Variants in RBFOX3 observed in about 807,000 individuals in gnomAD.
The protein encoded by RBFOX3 is RNA binding protein fox-1 homolog 3.
A neutral mutation model predicts 48.7 loss-of-function variants in RBFOX3; 17 were observed. The observed-to-expected ratio is 0.35, with a 90% CI of 0.24 to 0.52. The LOEUF (loss-of-function observed/expected upper bound fraction) is 0.52. RBFOX3 is among the 20% of genes least tolerant of loss of function. RBFOX3 has a pLI of 0.94. For missense variants in RBFOX3, 382 were observed against 497.5 expected (o/e 0.77, Z 2.21); for synonymous variants, 212 against 209.5 (o/e 1.01, Z -0.10).
chr17:79,463,646 TCCA>T (rs1469631510), intron 2 of RBFOX3, among the ~76,000 whole-genome samples: 46 of 91,854 alleles, frequency 5.0e-4, no homozygotes, highest in African/African-American at 1.9e-3. Context: ...CACCGCCACC[TCCA>T]CCACCATCGC....
At chr17:79,183,057 C>T (rs1483203287) in intron 4 of RBFOX3, among the ~76,000 whole-genome samples, 1 of 149,204 alleles carries the variant, frequency 6.7e-6, no homozygotes, top group African/African-American at 2.4e-5. Context: ...CGCCTCGCGC[C>T]GCGCGCGCCC....
intron 3 of RBFOX3, among the ~76,000 whole-genome samples, chr17:79,289,777 A>T (rs1023028404): frequency 6.6e-6 from 1 of 152,234 alleles, no homozygotes; most frequent in African/African-American, 2.4e-5. Flanking sequence ...TTTATATAAA[A>T]AGGGGATAGT....
At chr17:79,286,045 G>A (rs1335316359) in intron 3 of RBFOX3, among the ~76,000 whole-genome samples, 1 of 152,194 alleles carries the variant, frequency 6.6e-6, no homozygotes, top group Admixed American at 6.5e-5. Context: ...TGGGCAGAAT[G>A]GCTGCTGGCT....
chr17:79,127,208 G>A (rs192463247), intron 4 of RBFOX3, among the ~76,000 whole-genome samples: 1 of 152,196 alleles, frequency 6.6e-6, no homozygotes, highest in African/African-American at 2.4e-5. Context: ...CTTCCTTCCT[G>A]AGGGGCTGGG....
At chr17:79,105,742 C>T (rs1309530566) in intron 6 of RBFOX3, among the ~76,000 whole-genome samples, 1 of 152,168 alleles carries the variant, frequency 6.6e-6, no homozygotes, top group Admixed American at 6.5e-5. Context: ...ATTCAGGAGC[C>T]AGAGGCTGTC....
chr17:79,653,594 G>A, the RBFOX3 span, among the ~76,000 whole-genome samples: 1 of 152,168 alleles, frequency 6.6e-6, no homozygotes. Context: ...TAAAAATAAT[G>A]AATCGATAGC....
At chr17:79,401,067 C>G (rs1182371428) in intron 2 of RBFOX3, among the ~76,000 whole-genome samples, 1 of 152,252 alleles carries the variant, frequency 6.6e-6, no homozygotes, top group Non-Finnish European at 1.5e-5. Context: ...AATTCACAGA[C>G]GCAGAGCCTC....
chr17:79,470,255 ATG>A (rs1295461497), intron 2 of RBFOX3, among the ~76,000 whole-genome samples: 1 of 115,084 alleles, frequency 8.7e-6, no homozygotes, highest in Non-Finnish European at 2.1e-5. Flanking sequence ...AGTGGCCCAC[ATG>A]TGTGTACCTG....
rs138332469 is a variant in RBFOX3, at chr17:79,143,152, AG to A, written c.-33-27405del. 4.4e-3 allele frequency among the ~76,000 whole-genome samples: 673 copies of A among 152,276 alleles called. 9 individuals carry two copies. Among genetic ancestry groups the A allele is most frequent in the African/African-American group, 0.015 (626 of 41,538 alleles). ...CTGCCATACCTTGGACCCCACAAGAAGGGGGGTCCCTGTGTCTGTGTTTTGG... is the reference window on the plus strand; with the variant it reads ...CTGCCATACCTTGGACCCCACAAGAAGGGGGTCCCTGTGTCTGTGTTTTGG... On this transcript the variant is annotated intron_variant, in intron 4 of 14. Transcript: ENST00000693108.
At chr17:79,422,856 T>C (rs1020620216) in intron 2 of RBFOX3, among the ~76,000 whole-genome samples, 3 of 152,160 alleles carry the variant, frequency 2.0e-5, no homozygotes, top group Non-Finnish European at 2.9e-5. Flanking sequence ...TCGGATGGGA[T>C]TGATGCCCTT....
At chr17:79,478,288 T>C (rs1281379607) in intron 2 of RBFOX3, among the ~76,000 whole-genome samples, 3 of 152,210 alleles carry the variant, frequency 2.0e-5, no homozygotes, top group African/African-American at 4.8e-5. Flanking sequence ...TTGCCGCTCA[T>C]GGGTGCGTCC....
In RBFOX3 at chr17:79,401,677, G is replaced by A. The variant is rs1277813218; in HGVS notation, c.-175+80777C>T. On this transcript the variant is annotated intron_variant, in intron 2 of 14. Transcript: ENST00000693108. Reference sequence around the variant, plus strand: ...TCCCATGCCCCGTGTTTGGACGTTCGCTGAGCCTGCTCCGTGACGGGTCTG... The same window carrying A: ...TCCCATGCCCCGTGTTTGGACGTTCACTGAGCCTGCTCCGTGACGGGTCTG... 4.6e-5 allele frequency among the ~76,000 whole-genome samples: 7 copies of A among 152,146 alleles called. No homozygotes were observed. The South Asian group carries it at 1.2e-3, about 27-fold the overall frequency.
upstream of RBFOX3, among the ~76,000 whole-genome samples, chr17:79,614,177 C>T (rs986602578): frequency 6.6e-5 from 10 of 152,318 alleles, no homozygotes; most frequent in East Asian, 5.8e-4. Flanking sequence ...GCCCAAGACC[C>T]GGGGAAGCCT....
chr17:79,620,543 ACGCATGCACACATGTGCACACCCG>A, the RBFOX3 span, among the ~76,000 whole-genome samples: 1 of 149,580 alleles, frequency 6.7e-6, no homozygotes, highest in Non-Finnish European at 1.5e-5. Flanking sequence ...ACATGCACAC[ACGCATGCACACATGTGCACACCCG>A]CGCGTGCACA....
chr17:79,463,187 A>ATCGCCC (rs2075683433), intron 2 of RBFOX3, among the ~76,000 whole-genome samples: 1 of 144,672 alleles, frequency 6.9e-6, no homozygotes. Flanking sequence ...CGCCATCGCC[A>ATCGCCC]CTGCCACCGC....
At chr17:79,546,639 C>T (rs569443953) in intron 1 of RBFOX3, among the ~76,000 whole-genome samples, 41 of 151,852 alleles carry the variant, frequency 2.7e-4, no homozygotes, top group African/African-American at 9.2e-4. Context: ...TCCCATCCGC[C>T]GGCATTCCCA....
At chr17:79,630,130 C>T in the RBFOX3 span, among the ~76,000 whole-genome samples, 6 of 152,300 alleles carry the variant, frequency 3.9e-5, no homozygotes, top group South Asian at 8.3e-4. Flanking sequence ...CCCCAAGGTA[C>T]CAGCTCACAG....
chr17:79,420,125 TCATACACACACACA>T (rs782557911), intron 2 of RBFOX3, among the ~76,000 whole-genome samples: 2 of 25,250 alleles, frequency 7.9e-5, no homozygotes, highest in East Asian at 8.3e-4. Context: ...AGACTCCGTC[TCATACACACACACA>T]CACACACACA....
intron 10 of RBFOX3, 94 bp from the exon 11 acceptor site, chr17:79,097,518 C>T: frequency 1.5e-6 from 2 of 1,328,726 alleles, no homozygotes; most frequent in Non-Finnish European, 1.9e-6. Flanking sequence ...GCGCACCTAG[C>T]CCCCAACCCC....
Sources: gnomAD v4.1 joint callset for allele counts (sites outside exome capture counted in the v4.1 genomes callset) on GRCh38, gnomAD v4.1.1 for gene constraint, MANE v1.5 for transcripts, NCBI Gene and HGNC (gene_info 2026-07-23, HGNC 2026-07-21) for gene names.